The following HHLA1 variants were observed in gnomAD, a reference collection of about 807,000 sequenced individuals.
HHLA1 encodes HERV-H LTR-associating protein 1.
HHLA1 carries 72 observed loss-of-function variants against 69.9 expected under a neutral mutation model. The ratio of observed to expected loss-of-function variants is 1.03; its 90% CI spans 0.85 to 1.25. The LOEUF is 1.25. Among genes scored for constraint, HHLA1 ranks in the 50% most tolerant of loss-of-function variants. The probability of loss-of-function intolerance (pLI) is 0.00; values close to 1 mark genes in which losing one functional copy is unlikely to be tolerated. For synonymous variants in HHLA1, 252 were observed against 233.2 expected (o/e 1.08, Z -0.73); for missense variants, 685 against 642.2 (o/e 1.07, Z -0.72).
Position 132,089,497 on chromosome 8 carries a change from G to T in HHLA1, c.532+19C>A, listed in dbSNP as rs373389844. The T allele has an allele frequency of 1.4e-6, 2 of 1,389,882 alleles. No homozygotes were observed. Among genetic ancestry groups the T allele is most frequent in the African/African-American group, 1.4e-5 (1 of 69,880 alleles). 86.1% of individuals were successfully genotyped at this position (1,389,882 alleles called of 1,614,324 possible). ...TGCTAAACCTCAAAGTTGCCAAAGC[G>T]TTTTCAAGATGAACACACCTGAGAG... On this transcript the variant is annotated intron_variant, in intron 8 of 16. Coordinates refer to ENST00000414222, the MANE Select transcript of HHLA1 (RefSeq NM_001145095.3).
chr8:132,076,427 C>A (rs1823641332), intron 13 of HHLA1, 48 bp downstream of exon 13: 1 of 714,192 alleles, frequency 1.4e-6, no homozygotes, highest in East Asian at 2.9e-5. Flanking sequence ...CTTCCCACCC[C>A]TCCCATCCCC....
intron 16 of HHLA1, among the ~76,000 whole-genome samples, chr8:132,065,606 T>C (rs1242611837): frequency 6.6e-6 from 1 of 152,202 alleles, no homozygotes; most frequent in Non-Finnish European, 1.5e-5. Flanking sequence ...TTAGCTTACA[T>C]AGGAGCTCTG....
chr8:132,065,289 T>G (rs1428518920), intron 16 of HHLA1, among the ~76,000 whole-genome samples: 2 of 152,196 alleles, frequency 1.3e-5, no homozygotes, highest in Non-Finnish European at 2.9e-5. Flanking sequence ...TTTCAGTATT[T>G]GTGGGGGTTG....
chr8:132,083,159 A>T (rs1199571792), intron 10 of HHLA1, among the ~76,000 whole-genome samples: 21 of 152,098 alleles, frequency 1.4e-4, no homozygotes, highest in Non-Finnish European at 2.6e-4. Flanking sequence ...ATATAGCTGT[A>T]GTCCAGGAAT....
rs948208184 is a variant in HHLA1, at chr8:132,077,773, T to C, written c.1124A>G (p.Glu375Gly). 2.6e-6 allele frequency: 4 copies of C among 1,551,586 alleles called. No individual in the cohort carries two copies. The highest frequency in any genetic ancestry group is 3.5e-6 in the Non-Finnish European group (4 of 1,146,988). ...TGGGCTGCCAGGTGTGGCCATTATC[T>C]CAGCAGCAGGCGCCAAAAGGCTTGT... Reference protein sequence around the residue: ...NTTSLLAPAAEIMATPGSPSQ... With the variant: ...NTTSLLAPAAGIMATPGSPSQ... The change falls in exon 12 of 17, where the codon GAG becomes GGG. Residue 375 changes from glutamate (E) to glycine (G), a missense_variant. Coordinates refer to ENST00000414222, the MANE Select transcript of HHLA1 (RefSeq NM_001145095.3).
intron 5 of HHLA1, among the ~76,000 whole-genome samples, chr8:132,097,994 G>A (rs1824050429): frequency 6.6e-6 from 1 of 152,106 alleles, no homozygotes; most frequent in African/African-American, 2.4e-5. Flanking sequence ...TATTTATTAT[G>A]TTTATTGTTT....
rs182814131 is a variant in HHLA1, at chr8:132,079,593, A to C, written c.925+125T>G. 8.8e-5 allele frequency: 94 copies of C among 1,066,174 alleles called. No homozygotes were observed. In the East Asian group the frequency reaches 2.4e-3, roughly 27 times the overall value. 66.0% of individuals were successfully genotyped at this position (1,066,174 alleles called of 1,614,324 possible). On this transcript the variant is annotated intron_variant, in intron 11 of 16. Coordinates refer to ENST00000414222, the MANE Select transcript of HHLA1 (RefSeq NM_001145095.3). ...CTCATACAGATCTGTTATTTAAGTA[A>C]GCTGAAGCGTAACTTCAGTTGGTGG...
At chr8:132,104,286 A>C (rs1310584525) in intron 2 of HHLA1, 119 bp from the exon 3 acceptor site, 2 of 681,672 alleles carry the variant, frequency 2.9e-6, no homozygotes, top group East Asian at 2.7e-5. Flanking sequence ...GTGAAGTGAC[A>C]TTTAGTCCCG....
intron 4 of HHLA1, among the ~76,000 whole-genome samples, chr8:132,099,853 TAAA>T (rs879922629): frequency 7.1e-6 from 1 of 141,704 alleles, no homozygotes. Context: ...AAACTCCATC[TAAA>T]AAAAAAAAAA....
In HHLA1 at chr8:132,061,987, C is replaced by G. The variant is rs1190004404; in HGVS notation, c.*2008G>C. On this transcript the variant is annotated 3_prime_UTR_variant, in exon 17 of 17. Transcript: ENST00000414222. ...AACTGGGTTCACATGGGTTTCCCCA[C>G]AAGTGAATAGCCCCAGTCTTGGGCC... 1 of 152,234 alleles carries G rather than the reference C, an allele frequency of 6.6e-6. No homozygotes were observed. Among genetic ancestry groups the G allele is most frequent in the African/African-American group, 2.4e-5 (1 of 41,458 alleles). 9.4% of individuals were successfully genotyped at this position (152,234 alleles called of 1,614,324 possible). A position where few individuals can be genotyped will look rare whatever the true frequency, so the allele number is the denominator to read the frequency against.
intron 8 of HHLA1, among the ~76,000 whole-genome samples, chr8:132,088,938 C>T (rs140391826): frequency 7.1e-4 from 108 of 152,342 alleles, no homozygotes; most frequent in African/African-American, 2.4e-3. Flanking sequence ...TTCTCCCTCC[C>T]TCCTGCTTTT....
intron 7 of HHLA1, among the ~76,000 whole-genome samples, chr8:132,092,688 A>C (rs530047215): frequency 2.6e-5 from 4 of 152,154 alleles, no homozygotes; most frequent in Non-Finnish European, 5.9e-5. Context: ...GAGCAGAAGC[A>C]CTCATGCTTC....
chr8:132,071,290 A>G (rs1823536832), intron 15 of HHLA1, 50 bp downstream of exon 15: 2 of 1,506,254 alleles, frequency 1.3e-6, no homozygotes, highest in Non-Finnish European at 1.8e-6. Flanking sequence ...CACACGGAAT[A>G]AGAAAGCTAT....
chr8:132,065,315 T>C (rs1823414781), intron 16 of HHLA1, among the ~76,000 whole-genome samples: 1 of 152,204 alleles, frequency 6.6e-6, no homozygotes, highest in Non-Finnish European at 1.5e-5. Flanking sequence ...CACAAACTGC[T>C]CTGTGGCCCA....
intron 3 of HHLA1, among the ~76,000 whole-genome samples, chr8:132,100,598 G>A (rs1159835846): frequency 6.6e-6 from 1 of 152,140 alleles, no homozygotes; most frequent in Admixed American, 6.5e-5. Context: ...AATTTCAAAG[G>A]CATTCATTCG....
chr8:132,067,040 C>A (rs1823452819), intron 15 of HHLA1, among the ~76,000 whole-genome samples: 1 of 152,128 alleles, frequency 6.6e-6, no homozygotes, highest in Non-Finnish European at 1.5e-5. Context: ...TGTGGTAACC[C>A]CGCATTAGCA....
intron 15 of HHLA1, chr8:132,069,576 A>G (rs2130875664): frequency 6.6e-6 from 1 of 152,310 alleles, no homozygotes; most frequent in Admixed American, 6.5e-5. Context: ...CTTCTCTCTG[A>G]AAATTTATGC....
chr8:132,097,768 C>A (rs1824047925), intron 5 of HHLA1, among the ~76,000 whole-genome samples: 1 of 152,148 alleles, frequency 6.6e-6, no homozygotes, highest in Non-Finnish European at 1.5e-5. Context: ...AAATTGGAGG[C>A]AGGAGCTATA....
At chr8:132,068,345 C>T (rs950276897) in intron 15 of HHLA1, among the ~76,000 whole-genome samples, 3 of 152,174 alleles carry the variant, frequency 2.0e-5, no homozygotes, top group Non-Finnish European at 4.4e-5. Flanking sequence ...TATTTAAACA[C>T]GACATGTCCC....
Sources: gnomAD v4.1 joint callset for allele counts (sites outside exome capture counted in the v4.1 genomes callset) on GRCh38, gnomAD v4.1.1 for gene constraint, MANE v1.5 for transcripts, NCBI Gene and HGNC (gene_info 2026-07-23, HGNC 2026-07-21) for gene names.